The following CPEB4 variants were observed in gnomAD, a reference collection of about 807,000 sequenced individuals.
CPEB4 encodes cytoplasmic polyadenylation element binding protein 4, also known as cytoplasmic polyadenylation element-binding protein 4.
In CPEB4, 12 loss-of-function variants were observed where a neutral mutation model predicts 72.5. That is an observed-to-expected ratio of 0.17 (90% CI 0.11 to 0.27). The LOEUF is 0.27. Ranked by LOEUF, CPEB4 falls within the 10% of genes least tolerant of loss-of-function variation. CPEB4 has a pLI of 1.00. For synonymous variants in CPEB4, 302 were observed against 326.3 expected (o/e 0.93, Z 0.80); for missense variants, 614 against 908.5 (o/e 0.68, Z 4.17).
At chr5:173,937,534 AAAGAT>A (rs1757672029) in intron 3 of CPEB4, among the ~76,000 whole-genome samples, 1 of 152,188 alleles carries the variant, frequency 6.6e-6, no homozygotes, top group African/African-American at 2.4e-5. Context: ...CCTTCATTGA[AAAGAT>A]AATATGAAAA....
chr5:173,912,626 A>T (rs983692817), intron 2 of CPEB4, among the ~76,000 whole-genome samples: 10 of 143,590 alleles, frequency 7.0e-5, no homozygotes, highest in South Asian at 2.2e-4. Flanking sequence ...TAATAAAATA[A>T]TTTTTTTTTT....
chr5:173,910,157 C>T (rs1338666130), intron 1 of CPEB4, among the ~76,000 whole-genome samples: 2 of 151,604 alleles, frequency 1.3e-5, no homozygotes, highest in East Asian at 3.9e-4. Context: ...ACTAGTGGGA[C>T]AAGTTTGGAA....
chr5:173,946,415 G>A (rs1048240809), intron 5 of CPEB4, among the ~76,000 whole-genome samples: 21 of 152,174 alleles, frequency 1.4e-4, no homozygotes, highest in Admixed American at 1.2e-3. Context: ...AACAAGAAGA[G>A]AATTAGTACC....
At position 173,961,821 on chromosome 5, in the gene CPEB4, G is replaced by C. The variant is rs935364880; in HGVS notation, c.*5684G>C. ...GAATACTGAAGGTGTCAGTGAGTTA[G>C]AAATTTTTAAGGAGTAATTATTTTC... On this transcript the variant is annotated 3_prime_UTR_variant, in exon 10 of 10. Transcript: ENST00000265085. The C allele has an allele frequency of 2.0e-5, 3 of 151,342 alleles. No homozygotes were observed. Among genetic ancestry groups the C allele is most frequent in the Non-Finnish European group, 4.4e-5 (3 of 67,916 alleles). The allele number at this position is 151,342 out of a possible 1,614,324, so 9.4% of individuals were successfully genotyped here.
intron 2 of CPEB4, among the ~76,000 whole-genome samples, chr5:173,920,154 A>C (rs1757020443): frequency 6.6e-6 from 1 of 152,230 alleles, no homozygotes. Flanking sequence ...CAGTTCTAAA[A>C]GCAAGGCTTT....
At chr5:173,932,959 T>C (rs1346225955) in intron 3 of CPEB4, among the ~76,000 whole-genome samples, 1 of 152,192 alleles carries the variant, frequency 6.6e-6, no homozygotes, top group Non-Finnish European at 1.5e-5. Flanking sequence ...ACAAGAAACA[T>C]GAAGTTTTAT....
chr5:173,934,025 A>C (rs1232245112), intron 3 of CPEB4, among the ~76,000 whole-genome samples: 1 of 152,160 alleles, frequency 6.6e-6, no homozygotes, highest in African/African-American at 2.4e-5. Flanking sequence ...TCTACAAAAG[A>C]TTTTTAAAAA....
At chr5:173,930,861 C>A (rs950346705) in intron 2 of CPEB4, among the ~76,000 whole-genome samples, 1 of 151,682 alleles carries the variant, frequency 6.6e-6, no homozygotes, top group Non-Finnish European at 1.5e-5. Flanking sequence ...TGGTAGCGGG[C>A]GCCTGTAGTC....
rs1756211772 is a variant in CPEB4 at position 173,900,987 on chromosome 5, T to C, written c.1126-9536T>C. ...TTAGTATCACAAGTATCAAAGCTTGTGATAGATTTTAATTATTTCTCTCTG... is the reference window on the plus strand; with the variant it reads ...TTAGTATCACAAGTATCAAAGCTTGCGATAGATTTTAATTATTTCTCTCTG... On this transcript the variant is annotated intron_variant, in intron 1 of 9. Coordinates refer to ENST00000265085, the MANE Select transcript of CPEB4 (RefSeq NM_030627.4). This position sits in a 1 kb window ranked among gnomAD's most constrained non-coding sequence, Gnocchi z 4.4. Among the ~76,000 whole-genome samples the C allele has an allele frequency of 6.6e-6, 1 of 152,196 alleles. No individual in the cohort carries two copies. Among genetic ancestry groups the C allele is most frequent in the Non-Finnish European group, 1.5e-5 (1 of 68,044 alleles).
Position 173,894,342 on chromosome 5 carries a change from G to A in CPEB4, c.1125+3484G>A, listed in dbSNP as rs549223027. 7.9e-5 allele frequency among the ~76,000 whole-genome samples: 12 copies of A among 152,122 alleles called. No homozygotes were observed. The East Asian group carries it at 1.5e-3, about 20-fold the overall frequency. On this transcript the variant is annotated intron_variant, in intron 1 of 9. Coordinates refer to ENST00000265085, the MANE Select transcript of CPEB4 (RefSeq NM_030627.4). Reference sequence around the variant, plus strand: ...CATATAATAATAGCTAACATGTGGCGGGGTGCGGTAGCTGACGCCTGTAAT... The same window carrying A: ...CATATAATAATAGCTAACATGTGGCAGGGTGCGGTAGCTGACGCCTGTAAT...
At chr5:173,906,218 T>C (rs1816972) in intron 1 of CPEB4, among the ~76,000 whole-genome samples, 1 of 152,234 alleles carries the variant, frequency 6.6e-6, no homozygotes, top group African/African-American at 2.4e-5. Context: ...CTTTCGTTGT[T>C]GCATAGGAAA....
intron 2 of CPEB4, among the ~76,000 whole-genome samples, chr5:173,917,314 A>C (rs768623836): frequency 9.2e-5 from 14 of 152,174 alleles, no homozygotes; most frequent in Non-Finnish European, 1.5e-5. Flanking sequence ...TTTCTATTTA[A>C]ATTGGTTTGC....
chr5:173,917,120 T>C (rs1434482948), intron 2 of CPEB4, among the ~76,000 whole-genome samples: 2 of 152,200 alleles, frequency 1.3e-5, no homozygotes, highest in African/African-American at 4.8e-5. Flanking sequence ...CTATGAGAGT[T>C]GCTAAATTTT....
chr5:173,929,635 G>T (rs72812816), intron 2 of CPEB4, among the ~76,000 whole-genome samples: 1 of 151,930 alleles, frequency 6.6e-6, no homozygotes, highest in Admixed American at 6.5e-5. Flanking sequence ...GGGAGGTCGA[G>T]GCTGGAGCTG....
chr5:173,891,612 A>G (rs1222887449), intron 1 of CPEB4: 1 of 152,220 alleles, frequency 6.6e-6, no homozygotes, highest in Non-Finnish European at 1.5e-5. Context: ...ATTCCTAAAA[A>G]TAGATCCAGG....
intron 8 of CPEB4, 36 bp from the exon 9 acceptor site, chr5:173,953,055 G>A: frequency 2.0e-6 from 3 of 1,532,456 alleles, no homozygotes; most frequent in African/African-American, 1.4e-5. Flanking sequence ...GAATTTTCCT[G>A]ATTTTAAATA....
intron 1 of CPEB4, among the ~76,000 whole-genome samples, chr5:173,908,472 G>A (rs1186696836): frequency 1.3e-5 from 2 of 152,152 alleles, no homozygotes; most frequent in Non-Finnish European, 2.9e-5. Context: ...TCTCTTACCT[G>A]TAATATTAGA....
At position 173,956,603 on chromosome 5, in the gene CPEB4, C is replaced by CTTTTTTTTTTTTTTTTTTTTTTTTTTTT. The variant is rs55771761; in HGVS notation, c.*482_*483insTTTTTTTTTTTTTTTTTTTTTTTTTTTT. 1 of 133,060 alleles carries CTTTTTTTTTTTTTTTTTTTTTTTTTTTT rather than the reference C, an allele frequency of 7.5e-6. No individual in the cohort carries two copies. The highest frequency in any genetic ancestry group is 1.6e-5 in the Non-Finnish European group (1 of 62,324). The allele number at this position is 133,060 out of a possible 1,614,324, so 8.2% of individuals were successfully genotyped here. ...GGGAAGTGCTTTTGCCTTTTCCTTTCTTTTTTTTTTTTTTTTCATCTTTTT... is the reference window on the plus strand; with the variant it reads ...GGGAAGTGCTTTTGCCTTTTCCTTTCTTTTTTTTTTTTTTTTTTTTTTTTTTTTTTTTTTTTTTTTTTTTCATCTTTTT... On this transcript the variant is annotated 3_prime_UTR_variant, in exon 10 of 10. Transcript: ENST00000265085.
chr5:173,910,865 C>T (rs1756632890), intron 2 of CPEB4: 1 of 371,952 alleles, frequency 2.7e-6, no homozygotes. Context: ...AAGACACCAA[C>T]TACATACCTT....
Sources: allele counts gnomAD v4.1 joint callset (sites outside exome capture counted in the v4.1 genomes callset), GRCh38; gene constraint gnomAD v4.1.1; non-coding constraint Gnocchi (gnomAD v3.1); transcripts MANE v1.5; gene names NCBI Gene and HGNC (gene_info 2026-07-23, HGNC 2026-07-21).